Variants in WDFY3 observed in about 807,000 individuals in gnomAD.
The protein encoded by WDFY3 is WD repeat and FYVE domain containing 3.
In WDFY3, 66 loss-of-function variants were observed where a neutral mutation model predicts 409.6. The observed-to-expected ratio is 0.16, with a 90% CI of 0.13 to 0.20. The LOEUF (loss-of-function observed/expected upper bound fraction) is 0.20. Ranked by LOEUF, WDFY3 falls within the 10% of genes least tolerant of loss-of-function variation. WDFY3 has a pLI of 1.00. For synonymous variants in WDFY3, 1,521 were observed against 1,537.1 expected, an observed-to-expected ratio of 0.99 and a Z score of 0.25; for missense variants, 3,031 against 4,298.1, an observed-to-expected ratio of 0.71 and a Z score of 8.24.
At chr4:84,701,088 C>T (rs915015046) in intron 56 of WDFY3, among the ~76,000 whole-genome samples, 2 of 152,178 alleles carry the variant, frequency 1.3e-5, no homozygotes, top group Non-Finnish European at 2.9e-5. Flanking sequence ...CCAGCTTGGG[C>T]GACAGTGCAA....
intron 35 of WDFY3, among the ~76,000 whole-genome samples, chr4:84,753,167 G>A (rs1381696338): frequency 6.6e-6 from 1 of 152,092 alleles, no homozygotes; most frequent in Non-Finnish European, 1.5e-5. Context: ...TACTATATGT[G>A]ATTATAATCT....
At chr4:84,873,773 GTTT>G (rs1203493309) in intron 3 of WDFY3, among the ~76,000 whole-genome samples, 1 of 149,726 alleles carries the variant, frequency 6.7e-6, no homozygotes, top group Non-Finnish European at 1.5e-5. Flanking sequence ...GTTTTTTTGT[GTTT>G]TTTTTTTGTT....
chr4:84,784,919 C>T (rs1326009392), intron 24 of WDFY3, among the ~76,000 whole-genome samples: 1 of 138,774 alleles, frequency 7.2e-6, no homozygotes. Flanking sequence ...CACACACACA[C>T]ATACACACCT....
chr4:84,679,876 A>G (rs141128913), intron 64 of WDFY3, among the ~76,000 whole-genome samples: 6,238 of 148,940 alleles, frequency 0.042, 122 homozygotes, highest in South Asian at 0.058. Context: ...GTACGTGTGT[A>G]TATATATATA....
chr4:84,676,891 G>A (rs920869575), intron 67 of WDFY3, among the ~76,000 whole-genome samples: 1 of 152,168 alleles, frequency 6.6e-6, no homozygotes, highest in Non-Finnish European at 1.5e-5. Flanking sequence ...AAGGTGCAAA[G>A]AGGATACTTA....
chr4:84,814,128 G>A (rs887872521), intron 13 of WDFY3, among the ~76,000 whole-genome samples: 9 of 152,096 alleles, frequency 5.9e-5, no homozygotes, highest in Admixed American at 5.2e-4. Context: ...CCCAAAATAC[G>A]CCACTATGGC....
chr4:84,914,955 T>A (rs907562165), intron 2 of WDFY3, among the ~76,000 whole-genome samples: 1 of 152,082 alleles, frequency 6.6e-6, no homozygotes, highest in Non-Finnish European at 1.5e-5. Flanking sequence ...AAAAAATAAA[T>A]AGAATGTGGT....
intron 5 of WDFY3, among the ~76,000 whole-genome samples, chr4:84,847,070 C>T (rs1452043978): frequency 6.6e-6 from 1 of 152,010 alleles, no homozygotes; most frequent in African/African-American, 2.4e-5. Context: ...CATTGAGGGG[C>T]ACAAGGCACC....
intron 58 of WDFY3, 147 bp from the exon 59 acceptor site, chr4:84,693,179 G>C: frequency 1.2e-6 from 1 of 859,146 alleles, no homozygotes; most frequent in East Asian, 2.8e-5. Context: ...CGAGGAAAGA[G>C]ATTCAAAGAC....
At chr4:84,837,217 TA>T (rs1182561306) in intron 6 of WDFY3, 127 bp from the exon 7 acceptor site, 6 of 752,308 alleles carry the variant, frequency 8.0e-6, no homozygotes, top group Non-Finnish European at 1.1e-5. Flanking sequence ...TGTAAGAATT[TA>T]AAAATGACTC....
intron 3 of WDFY3, among the ~76,000 whole-genome samples, chr4:84,890,254 C>T (rs1764762451): frequency 6.6e-6 from 1 of 152,168 alleles, no homozygotes; most frequent in African/African-American, 2.4e-5. Context: ...TACACATCAA[C>T]ATGCCCAGCT....
chr4:84,829,092 G>A lies in WDFY3; in HGVS notation c.868C>T (p.Leu290Phe), dbSNP rs1468709609. Residue 290 changes from leucine (L) to phenylalanine (F), a missense_variant, in exon 9 of 68, where the codon CTC becomes TTC. By Grantham distance (22) the Leu-to-Phe change is conservative. Coordinates refer to ENST00000295888, the MANE Select transcript of WDFY3 (RefSeq NM_014991.6). ...VEMFAGLSCF[L>F]KDSSDVSQTL... ...TGGGAAACATCGCTGGAATCTTTGA[G>A]GAAACAAGAAAGCCCAGCAAACATT... The A allele has an allele frequency of 1.2e-6, 2 of 1,613,780 alleles. No individual in the cohort carries two copies. The highest frequency in any genetic ancestry group is 1.7e-5 in the Admixed American group (1 of 59,980).
intron 3 of WDFY3, among the ~76,000 whole-genome samples, chr4:84,872,862 T>A (rs1021871713): frequency 6.6e-6 from 1 of 152,068 alleles, no homozygotes; most frequent in African/African-American, 2.4e-5. Context: ...AAAAGATTTT[T>A]AAAAAAAGCA....
At chr4:84,921,784 G>T (rs904671299) in intron 2 of WDFY3, among the ~76,000 whole-genome samples, 1 of 147,358 alleles carries the variant, frequency 6.8e-6, no homozygotes, top group East Asian at 2.0e-4. Flanking sequence ...AGCCTCCCTA[G>T]TAGCTGTGAT....
intron 3 of WDFY3, among the ~76,000 whole-genome samples, chr4:84,864,782 T>A (rs933341949): frequency 6.6e-6 from 1 of 152,228 alleles, no homozygotes; most frequent in African/African-American, 2.4e-5. Context: ...TTTTAAATTA[T>A]AAAATACTTG....
At chr4:84,676,858 T>C (rs1726383551) in intron 67 of WDFY3, among the ~76,000 whole-genome samples, 1 of 152,098 alleles carries the variant, frequency 6.6e-6, no homozygotes, top group South Asian at 2.1e-4. Context: ...CATAAAAACA[T>C]GGAGAATGGG....
chr4:84,845,492 A>G (rs2150067144), intron 5 of WDFY3, among the ~76,000 whole-genome samples: 1 of 152,282 alleles, frequency 6.6e-6, no homozygotes, highest in South Asian at 2.1e-4. Flanking sequence ...AAAGCTCTAG[A>G]GATCTGCTGT....
intron 52 of WDFY3, 107 bp from the exon 53 acceptor site, chr4:84,709,135 G>T: frequency 6.8e-7 from 1 of 1,478,478 alleles, no homozygotes; most frequent in Non-Finnish European, 9.1e-7. Context: ...CTTTTTAACA[G>T]ATTTCAGAAC....
rs192176347 is a variant in WDFY3, at chr4:84,799,559, G to T, written c.2823-1451C>A. 7.6e-4 allele frequency among the ~76,000 whole-genome samples: 115 copies of T among 151,972 alleles called. 1 individual carries two copies. The highest frequency in any genetic ancestry group is 1.7e-3 in the Admixed American group (26 of 15,260). On this transcript the variant is annotated intron_variant, in intron 17 of 67. Coordinates refer to ENST00000295888, the MANE Select transcript of WDFY3 (RefSeq NM_014991.6). Reference sequence around the variant, plus strand: ...AAGTCTCTGCCCCTATATAAACTCTGTAACACTGCTATTACGAACTTAATA... The same window carrying T: ...AAGTCTCTGCCCCTATATAAACTCTTTAACACTGCTATTACGAACTTAATA...
Sources: gnomAD v4.1 joint callset for allele counts (sites outside exome capture counted in the v4.1 genomes callset) on GRCh38, gnomAD v4.1.1 for gene constraint, MANE v1.5 for transcripts, NCBI Gene and HGNC (gene_info 2026-07-23, HGNC 2026-07-21) for gene names.